FAR2: variants seen among roughly 807,000 people sequenced by gnomAD.
FAR2 encodes the protein epididymis secretory protein Li 81.
Under a neutral mutation model 56.0 loss-of-function variants are expected in FAR2, and 19 were observed. That is an observed-to-expected ratio of 0.34 (90% CI 0.24 to 0.50). FAR2 has a LOEUF of 0.50. FAR2 is among the 20% of genes least tolerant of loss of function. FAR2 has a pLI of 0.98. For missense variants in FAR2, 508 were observed against 642.2 expected (o/e 0.79, Z 2.26); for synonymous variants, 219 against 218.8 (o/e 1.00, Z -0.01).
intron 1 of FAR2, among the ~76,000 whole-genome samples, chr12:29,266,106 A>C (rs1948511771): frequency 6.6e-6 from 1 of 152,138 alleles, no homozygotes; most frequent in African/African-American, 2.4e-5. Flanking sequence ...AACAGTTTGG[A>C]GGTTCCTCAA....
chr12:29,194,917 G>C (rs1203655996), intron 1 of FAR2, among the ~76,000 whole-genome samples: 2 of 152,090 alleles, frequency 1.3e-5, no homozygotes, highest in African/African-American at 4.8e-5. Flanking sequence ...AGATTGTTTA[G>C]TTAACATGGA....
At chr12:29,274,620 C>T (rs535685461) in intron 2 of FAR2, among the ~76,000 whole-genome samples, 2 of 152,032 alleles carry the variant, frequency 1.3e-5, no homozygotes, top group African/African-American at 2.4e-5. Context: ...ATCCAGCTGG[C>T]CGGTTCCTGC....
chr12:29,322,430 C>T (rs908437600), intron 10 of FAR2, among the ~76,000 whole-genome samples: 7 of 152,178 alleles, frequency 4.6e-5, no homozygotes, highest in Admixed American at 3.9e-4. Context: ...TCACCTCAGA[C>T]CTCCCTTCAT....
At chr12:29,229,801 C>T (rs141710238) in intron 1 of FAR2, among the ~76,000 whole-genome samples, 1 of 152,082 alleles carries the variant, frequency 6.6e-6, no homozygotes, top group Non-Finnish European at 1.5e-5. Flanking sequence ...ATGGAAAGGG[C>T]TTAAATGACA....
At chr12:29,166,248 TTG>T (rs1026952765) in intron 1 of FAR2, among the ~76,000 whole-genome samples, 1 of 152,132 alleles carries the variant, frequency 6.6e-6, no homozygotes, top group Admixed American at 6.5e-5. Flanking sequence ...ATAAGGTCTT[TTG>T]TGTGTGTGTG....
At chr12:29,303,179 A>C (rs1394519179) in intron 4 of FAR2, among the ~76,000 whole-genome samples, 1 of 152,128 alleles carries the variant, frequency 6.6e-6, no homozygotes, top group Non-Finnish European at 1.5e-5. Flanking sequence ...GGCATGTTGA[A>C]AATACAGATT....
chr12:29,256,916 A>G (rs1215040007), intron 1 of FAR2, among the ~76,000 whole-genome samples: 1 of 152,174 alleles, frequency 6.6e-6, no homozygotes, highest in Non-Finnish European at 1.5e-5. Flanking sequence ...GCCATGCCTA[A>G]GCCTCCCACC....
chr12:29,257,840 G>A (rs34162895), intron 1 of FAR2, among the ~76,000 whole-genome samples: 20,688 of 152,056 alleles, frequency 0.14, 1,537 homozygotes, highest in Middle Eastern at 0.27. Flanking sequence ...GAGGGTCCGG[G>A]GCTTCATTCT....
chr12:29,275,489 G>T (rs2012291), intron 2 of FAR2, among the ~76,000 whole-genome samples: 20,290 of 152,054 alleles, frequency 0.13, 2,674 homozygotes, highest in African/African-American at 0.34. Context: ...GTAATGGGAT[G>T]GCTGGGTCAA....
intron 6 of FAR2, 32 bp downstream of exon 6, chr12:29,309,262 A>C: frequency 6.6e-7 from 1 of 1,524,570 alleles, no homozygotes; most frequent in Non-Finnish European, 9.0e-7. Flanking sequence ...TAACTCCCTG[A>C]AATGTAGTAG....
chr12:29,190,649 G>A (rs1228109197), intron 1 of FAR2, among the ~76,000 whole-genome samples: 3 of 151,972 alleles, frequency 2.0e-5, no homozygotes, highest in Non-Finnish European at 4.4e-5. Flanking sequence ...TAGTTTAGTA[G>A]AGACGGGTTT....
chr12:29,153,375 C>T (rs930677736), intron 1 of FAR2, among the ~76,000 whole-genome samples: 2 of 152,046 alleles, frequency 1.3e-5, no homozygotes, highest in African/African-American at 4.8e-5. Flanking sequence ...GCAATCTGGG[C>T]ACAGGAAATT....
At chr12:29,184,828 C>T (rs892131355) in intron 1 of FAR2, among the ~76,000 whole-genome samples, 1 of 152,140 alleles carries the variant, frequency 6.6e-6, no homozygotes, top group Non-Finnish European at 1.5e-5. Context: ...ATTTGTGAGG[C>T]TTAGTTAAAT....
chr12:29,178,066 C>T (rs1259431174), intron 1 of FAR2, among the ~76,000 whole-genome samples: 1 of 152,072 alleles, frequency 6.6e-6, no homozygotes, highest in East Asian at 1.9e-4. Context: ...GACACACACT[C>T]CTGGTCTGCT....
intron 1 of FAR2, among the ~76,000 whole-genome samples, chr12:29,209,566 G>A (rs1456338688): frequency 6.6e-6 from 1 of 152,144 alleles, no homozygotes. Flanking sequence ...CAGTTCTGCT[G>A]GAGGAAAACT....
intron 1 of FAR2, among the ~76,000 whole-genome samples, chr12:29,194,521 C>CCA (rs3222956): frequency 0.074 from 10,439 of 140,734 alleles, 787 homozygotes; most frequent in African/African-American, 0.2. Flanking sequence ...GCTAGTGATG[C>CCA]CACACACACA....
chr12:29,293,165 C>A, intron 2 of FAR2, 135 bp from the exon 3 acceptor site: 1 of 689,260 alleles, frequency 1.5e-6, no homozygotes, highest in Non-Finnish European at 2.2e-6. Flanking sequence ...CCATGCCCAG[C>A]CAGATGTCTT....
intron 1 of FAR2, among the ~76,000 whole-genome samples, chr12:29,224,746 G>T (rs888522987): frequency 1.1e-4 from 16 of 152,074 alleles, no homozygotes; most frequent in African/African-American, 3.6e-4. Context: ...CCAAAGCAGT[G>T]ACTTATTAGA....
intron 1 of FAR2, among the ~76,000 whole-genome samples, chr12:29,160,253 A>G (rs994051236): frequency 5.9e-5 from 9 of 152,210 alleles, no homozygotes; most frequent in Non-Finnish European, 1.0e-4. Context: ...TGTTTGGGAT[A>G]CATAGGATTT....
Sources: allele counts gnomAD v4.1 joint callset (sites outside exome capture counted in the v4.1 genomes callset), GRCh38; gene constraint gnomAD v4.1.1; transcripts MANE v1.5; gene names NCBI Gene and HGNC (gene_info 2026-07-23, HGNC 2026-07-21).